The following RETREG2 variants were observed in gnomAD, a reference collection of about 807,000 sequenced individuals.
The protein encoded by RETREG2 is reticulophagy regulator 2.
Under a neutral mutation model 51.6 loss-of-function variants are expected in RETREG2, and 21 were observed. The ratio of observed to expected loss-of-function variants is 0.41; its 90% CI spans 0.29 to 0.59. The LOEUF (loss-of-function observed/expected upper bound fraction) is 0.59, where lower values mean the gene tolerates loss of function less well. RETREG2 is among the 20% of genes least tolerant of loss of function. The pLI is 0.34. For synonymous variants in RETREG2, 339 were observed against 288.6 expected (o/e 1.17, Z -1.77); for missense variants, 674 against 646.0 (o/e 1.04, Z -0.47).
At chr2:219,179,836 A>G (rs1357806420) in intron 3 of RETREG2, 73 bp downstream of exon 3, 11 of 1,485,242 alleles carry the variant, frequency 7.4e-6, no homozygotes, top group Non-Finnish European at 9.4e-6. Context: ...GTCACCATGG[A>G]GCAGGGCAGT....
At chr2:219,180,966 T>G in intron 5 of RETREG2, 96 bp from the exon 6 acceptor site, 1 of 1,542,158 alleles carries the variant, frequency 6.5e-7, no homozygotes, top group Non-Finnish European at 8.9e-7. Flanking sequence ...GGAAAGGACC[T>G]TGCCTACCTT....
rs1254069498 is a variant in RETREG2, at chr2:219,184,827, T to TG, written c.*2198_*2199insG. 1.2e-5 allele frequency: 1 copy of TG among 84,376 alleles called. No individual in the cohort carries two copies. The highest frequency in any genetic ancestry group is 1.9e-5 in the Non-Finnish European group (1 of 54,008). 5.2% of individuals were successfully genotyped at this position (84,376 alleles called of 1,614,324 possible). ...TTTTGGTTTTTTGTTTTTTGTGGGT[T>TG]TTTTTTTTTTTTTTTTTGAGACGGA... On this transcript the variant is annotated 3_prime_UTR_variant, in exon 9 of 9. Transcript: ENST00000430297.
In RETREG2 at chr2:219,181,638, A is replaced by C. The variant is rs1229050597; in HGVS notation, c.880-2A>C. On this transcript the variant is annotated splice_acceptor_variant, in intron 7 of 8. Transcript: ENST00000430297. LOFTEE classifies it high-confidence loss of function. ...TCGTGTTCATCCTGGTTCTCCTGCC[A>C]GGTGGATGTGAAGAAAACAGCATTG... 1 of 1,613,800 alleles carries C rather than the reference A, an allele frequency of 6.2e-7. No homozygotes were observed. The highest frequency in any genetic ancestry group is 1.1e-5 in the South Asian group (1 of 91,072).
At chr2:219,181,855 C>T in intron 8 of RETREG2, 80 bp downstream of exon 8, 1 of 1,572,034 alleles carries the variant, frequency 6.4e-7, no homozygotes, top group Non-Finnish European at 8.7e-7. Context: ...TGCTCTCTGG[C>T]CCACTCACTC....
rs955223684 is a variant in RETREG2, at chr2:219,182,063, G to A, written c.1066G>A (p.Asp356Asn). 1.2e-6 allele frequency: 2 copies of A among 1,614,024 alleles called. No individual in the cohort carries two copies. Among genetic ancestry groups the A allele is most frequent in the Non-Finnish European group, 8.5e-7 (1 of 1,180,024 alleles). The change falls in exon 9 of 9, where the codon GAC (aspartate) becomes AAC (asparagine). Residue 356 changes from aspartate to asparagine, a missense_variant. Transcript: ENST00000430297. ...TGAACCAGAGGAGACCCTAAGCCGGGACCTAGGGGAGGGAGAGGAGGGAGA... is the reference window on the plus strand; with the variant it reads ...TGAACCAGAGGAGACCCTAAGCCGGAACCTAGGGGAGGGAGAGGAGGGAGA... ...PSEPEETLSR[D>N]LGEGEEGELA...
intron 4 of RETREG2, 67 bp from the exon 5 acceptor site, chr2:219,180,600 AGTT>A: frequency 6.2e-7 from 1 of 1,610,642 alleles, no homozygotes; most frequent in Non-Finnish European, 8.5e-7. Flanking sequence ...GCTGAGCAGT[AGTT>A]TCTTACCCAG....
In RETREG2 at chr2:219,182,342, C is replaced by T. The variant is rs763050718; in HGVS notation, c.1345C>T (p.Leu449=). 1.2e-6 allele frequency: 2 copies of T among 1,614,148 alleles called. No individual in the cohort carries two copies. The highest frequency in any genetic ancestry group is 1.3e-5 in the African/African-American group (1 of 75,018). ...SGGLTALPGT[L]SPPLCLVGSD... ...TGGCCTCACTGCTCTGCCCGGCACC[C>T]TGTCACCTCCACTTTGCCTTGTTGG... The change falls in exon 9 of 9, where the codon CTG becomes TTG. Residue 449 remains leucine, a synonymous_variant. Transcript: ENST00000430297.
intron 7 of RETREG2, 58 bp from the exon 8 acceptor site, chr2:219,181,582 T>C: frequency 6.2e-7 from 1 of 1,604,780 alleles, no homozygotes; most frequent in Middle Eastern, 1.7e-4. Flanking sequence ...GGGATGCTCC[T>C]GATAAATTGG....
Position 219,180,132 on chromosome 2 carries a change from C to T in RETREG2, c.442C>T (p.Arg148Trp), listed in dbSNP as rs761854228. Residue 148 changes from arginine (R) to tryptophan (W), a missense_variant, in exon 4 of 9, where the codon CGG becomes TGG. By Grantham distance (101) the Arg-to-Trp change is moderately radical (BLOSUM62 -3). Coordinates refer to ENST00000430297, the MANE Select transcript of RETREG2 (RefSeq NM_024293.6). Reference protein sequence around the residue: ...SDSEGAGSGARPHLLSVPELC... With the variant: ...SDSEGAGSGAWPHLLSVPELC... ...CAGTGAGGGTGCGGGGTCAGGCGCC[C>T]GGCCGCACCTGCTGAGTGTGCCCGA... 1.7e-5 allele frequency: 28 copies of T among 1,614,038 alleles called. No individual in the cohort carries two copies. The Middle Eastern group carries it at 2.2e-3, about 124-fold the overall frequency.
rs1298534135 is a variant in RETREG2 at position 219,184,349 on chromosome 2, T to C, written c.*1720T>C. The C allele has an allele frequency of 6.6e-6, 1 of 152,254 alleles. No individual in the cohort carries two copies. The highest frequency in any genetic ancestry group is 1.9e-4 in the East Asian group (1 of 5,200). 9.4% of individuals were successfully genotyped at this position (152,254 alleles called of 1,614,324 possible). A position where few individuals can be genotyped will look rare whatever the true frequency, so the allele number is the denominator to read the frequency against. ...CCTCCGCCTTCAGCTGGAGGTACCA[T>C]ATGGCGATGCTACCTGTCTTTCTGC... On this transcript the variant is annotated 3_prime_UTR_variant, in exon 9 of 9. Transcript: ENST00000430297.
Position 219,184,827 on chromosome 2 carries a change from T to TTTTTTTTG in RETREG2, c.*2205_*2206insGTTTTTTT, listed in dbSNP as rs1950329098. On this transcript the variant is annotated 3_prime_UTR_variant, in exon 9 of 9. Coordinates refer to ENST00000430297, the MANE Select transcript of RETREG2 (RefSeq NM_024293.6). The stretch of plus-strand genomic sequence containing the variant: ...TTTTGGTTTTTTGTTTTTTGTGGGT[T>TTTTTTTTG]TTTTTTTTTTTTTTTTTGAGACGGA... 2.4e-5 allele frequency: 2 copies of TTTTTTTTG among 84,376 alleles called. No individual in the cohort carries two copies. The highest frequency in any genetic ancestry group is 8.8e-4 in the East Asian group (1 of 1,138). The allele number at this position is 84,376 out of a possible 1,614,324, so 5.2% of individuals were successfully genotyped here.
Position 219,182,110 on chromosome 2 carries a change from A to G in RETREG2, c.1113A>G (p.Leu371=), listed in dbSNP as rs762466705. The change falls in exon 9 of 9, where the codon CTA becomes CTG. Residue 371 remains leucine (L), a synonymous_variant. Transcript: ENST00000430297. The part of the protein sequence containing the change: ...EEGELAPPED[L]LGRPQALSRQ... ...GAGAGCTGGCCCCTCCCGAAGACCTACTAGGCCGTCCTCAAGCTCTGTCAA... is the reference window on the plus strand; with the variant it reads ...GAGAGCTGGCCCCTCCCGAAGACCTGCTAGGCCGTCCTCAAGCTCTGTCAA... The G allele has an allele frequency of 1.9e-6, 3 of 1,614,104 alleles. No individual in the cohort carries two copies. The highest frequency in any genetic ancestry group is 1.7e-6 in the Non-Finnish European group (2 of 1,179,998).
chr2:219,178,525 T>C lies in RETREG2; in HGVS notation c.173T>C (p.Leu58Pro). The change falls in exon 1 of 9, where the codon CTG becomes CCG. Residue 58 changes from leucine (L) to proline (P), a missense_variant. Leu to Pro is a moderately conservative substitution (Grantham distance 98, BLOSUM62 -3). Transcript: ENST00000430297. ...GGACGCCTGGCCACGACGCTGTGGC[T>C]GCGGCTCCGCGGCTGGGAGGCGGTG... ...AVGRLATTLW[L>P]RLRGWEAVLA... The C allele has an allele frequency of 7.0e-7, 1 of 1,424,470 alleles. No homozygotes were observed. Among genetic ancestry groups the C allele is most frequent in the Non-Finnish European group, 9.1e-7 (1 of 1,094,126 alleles). The allele number at this position is 1,424,470 out of a possible 1,614,324, so 88.2% of individuals were successfully genotyped here. A position where few individuals can be genotyped will look rare whatever the true frequency, so the allele number is the denominator to read the frequency against.
At chr2:219,180,930 G>C in intron 5 of RETREG2, 132 bp from the exon 6 acceptor site, 1 of 1,388,790 alleles carries the variant, frequency 7.2e-7, no homozygotes, top group Non-Finnish European at 1.0e-6. Context: ...CAGTGGATGT[G>C]GCAAGAAGAG....
At chr2:219,181,486 G>A in intron 7 of RETREG2, 23 bp downstream of exon 7, 1 of 1,612,386 alleles carries the variant, frequency 6.2e-7, no homozygotes, top group Non-Finnish European at 8.5e-7. Context: ...GAAAGCGGGG[G>A]TGTCAAATAG....
In RETREG2 at chr2:219,182,170, T is replaced by C. The variant is rs759305742; in HGVS notation, c.1173T>C (p.Asp391=). 3.1e-6 allele frequency: 5 copies of C among 1,612,224 alleles called. No homozygotes were observed. The South Asian group carries it at 4.4e-5, about 14-fold the overall frequency. The change falls in exon 9 of 9, where the codon GAT becomes GAC. Residue 391 remains aspartate, a synonymous_variant. Coordinates refer to ENST00000430297, the MANE Select transcript of RETREG2 (RefSeq NM_024293.6). ...TGGACTCGGAGGAAGAGGAAGAGGA[T>C]GTGGCAGCTAAGGAAACCTTGTTGC... ...QALDSEEEEE[D]VAAKETLLRL...
intron 3 of RETREG2, 115 bp downstream of exon 3, chr2:219,179,878 C>A: frequency 2.3e-6 from 3 of 1,303,374 alleles, no homozygotes; most frequent in South Asian, 1.2e-5. Flanking sequence ...TGGTAACAAG[C>A]CATGGGTTTT....
In RETREG2 at chr2:219,178,455, G is replaced by T; in HGVS notation, c.103G>T (p.Ala35Ser). The T allele has an allele frequency of 1.2e-6, 1 of 848,318 alleles. No individual in the cohort carries two copies. 52.5% of individuals were successfully genotyped at this position (848,318 alleles called of 1,614,324 possible). A position where few individuals can be genotyped will look rare whatever the true frequency, so the allele number is the denominator to read the frequency against. ...GGGTCTGAGCCTAGGCATGAGTGAG[G>T]CCACCAGTGAGGCAGAGGAGGAGGC... The part of the protein sequence containing the change: ...GLGLSLGMSE[A>S]TSEAEEEAAT... Residue 35 changes from alanine to serine, a missense_variant, in exon 1 of 9, where the codon GCC becomes TCC. Coordinates refer to ENST00000430297, the MANE Select transcript of RETREG2 (RefSeq NM_024293.6).
chr2:219,182,734 A>C lies in RETREG2; in HGVS notation c.*105A>C. Reference sequence around the variant, plus strand: ...CTCTGGGGTGGGGCAGTGTGTGGGGAAGCTGGCTGTCGGATGGTAGCTATT... The same window carrying C: ...CTCTGGGGTGGGGCAGTGTGTGGGGCAGCTGGCTGTCGGATGGTAGCTATT... On this transcript the variant is annotated 3_prime_UTR_variant, in exon 9 of 9. Transcript: ENST00000430297. 2.1e-6 allele frequency: 3 copies of C among 1,396,782 alleles called. No individual in the cohort carries two copies. The highest frequency in any genetic ancestry group is 2.9e-6 in the Non-Finnish European group (3 of 1,028,762). The allele number at this position is 1,396,782 out of a possible 1,614,324, so 86.5% of individuals were successfully genotyped here.
Sources: allele counts gnomAD v4.1 joint callset, GRCh38; gene constraint gnomAD v4.1.1; transcripts MANE v1.5; gene names NCBI Gene and HGNC (gene_info 2026-07-23, HGNC 2026-07-21).